Variants in DNAJC13 observed in about 807,000 individuals in gnomAD.
DNAJC13 encodes the protein DnaJ heat shock protein family (Hsp40) member C13.
A neutral mutation model predicts 290.5 loss-of-function variants in DNAJC13; 75 were observed. The observed-to-expected ratio is 0.26, with a 90% confidence interval of 0.21 to 0.31. The LOEUF (loss-of-function observed/expected upper bound fraction) is 0.31, where lower values mean the gene tolerates loss of function less well. DNAJC13 is among the 10% of genes least tolerant of loss of function. DNAJC13 has a pLI of 1.00. For missense variants in DNAJC13, 2,260 were observed against 2,674.5 expected, an observed-to-expected ratio of 0.85 and a Z score of 3.42; for synonymous variants, 862 against 892.0, an observed-to-expected ratio of 0.97 and a Z score of 0.60.
chr3:132,491,391 C>G (rs1325069398), intron 32 of DNAJC13, among the ~76,000 whole-genome samples: 5 of 152,052 alleles, frequency 3.3e-5, no homozygotes, highest in African/African-American at 1.2e-4. Context: ...TCAAGACATA[C>G]CTCTGGGTAT....
At chr3:132,421,652 C>G (rs1559861589) in intron 1 of DNAJC13, among the ~76,000 whole-genome samples, 1 of 151,602 alleles carries the variant, frequency 6.6e-6, no homozygotes, top group African/African-American at 2.4e-5. Context: ...GTTGCCCAGG[C>G]TGGTCTCGAA....
At chr3:132,482,436 C>A (rs753968736) in intron 27 of DNAJC13, 106 bp downstream of exon 27, 18 of 771,826 alleles carry the variant, frequency 2.3e-5, no homozygotes, top group Non-Finnish European at 3.0e-5. Context: ...ATTTAAATTC[C>A]TGTTATTAGC....
At chr3:132,470,929 C>T (rs1465448312) in intron 20 of DNAJC13, among the ~76,000 whole-genome samples, 3 of 126,760 alleles carry the variant, frequency 2.4e-5, no homozygotes, top group Non-Finnish European at 5.2e-5. Context: ...GGCGGCTGGC[C>T]GGGCAGAGGG....
intron 38 of DNAJC13, 61 bp downstream of exon 38, chr3:132,499,869 A>C (rs374018104): frequency 2.2e-5 from 32 of 1,448,730 alleles, no homozygotes; most frequent in Non-Finnish European, 3.1e-5. Context: ...AGACTTTAAC[A>C]TATCTGAGAA....
At chr3:132,531,204 A>ATTAT (rs1936405623) in intron 55 of DNAJC13, 107 bp downstream of exon 55, 2 of 893,808 alleles carry the variant, frequency 2.2e-6, no homozygotes, top group Non-Finnish European at 3.6e-6. Flanking sequence ...TTCTTAGGCT[A>ATTAT]CCAGCTGACC....
Position 132,454,102 on chromosome 3 carries a change from C to T in DNAJC13, c.877C>T (p.Leu293Phe). 1 of 1,607,014 alleles carries T rather than the reference C, an allele frequency of 6.2e-7. No homozygotes were observed. The highest frequency in any genetic ancestry group is 8.5e-7 in the Non-Finnish European group (1 of 1,178,038). ...GGTCTGTGACTCAGAAAATCCACAA[C>T]TTTTTACCATTGAATTTATAAAAGG... The part of the protein sequence containing the change: ...ALVCDSENPQ[L>F]FTIEFIKGQV... Residue 293 changes from leucine (L) to phenylalanine (F), a missense_variant, in exon 9 of 56, where the codon CTT (leucine) becomes TTT (phenylalanine). Physicochemically the swap from Leu to Phe is conservative, Grantham distance 22 (BLOSUM62 0). Transcript: ENST00000260818.
intron 1 of DNAJC13, among the ~76,000 whole-genome samples, chr3:132,432,539 T>C (rs1025656705): frequency 2.0e-5 from 3 of 152,142 alleles, no homozygotes; most frequent in African/African-American, 7.2e-5. Flanking sequence ...TTCTAACTAT[T>C]AAGGCAAGGG....
chr3:132,419,732 T>G (rs1938901989), intron 1 of DNAJC13, among the ~76,000 whole-genome samples: 1 of 152,200 alleles, frequency 6.6e-6, no homozygotes, highest in Non-Finnish European at 1.5e-5. Context: ...CAGCACAAAT[T>G]TGGTTGCTAC....
chr3:132,441,155 C>T (rs1231861205), intron 2 of DNAJC13, among the ~76,000 whole-genome samples: 1 of 152,090 alleles, frequency 6.6e-6, no homozygotes, highest in Non-Finnish European at 1.5e-5. Context: ...GGATATTCAG[C>T]CTAGGAAAAA....
chr3:132,458,479 G>A (rs552702503), intron 13 of DNAJC13: 12 of 152,102 alleles, frequency 7.9e-5, no homozygotes, highest in Admixed American at 3.3e-4. Context: ...ATGGTAGAGA[G>A]CTTTGTGTCA....
At chr3:132,442,016 T>C (rs1559870652) in intron 2 of DNAJC13, among the ~76,000 whole-genome samples, 1 of 151,854 alleles carries the variant, frequency 6.6e-6, no homozygotes, top group Non-Finnish European at 1.5e-5. Flanking sequence ...GTTTTTTTTT[T>C]TATTTTGCCT....
At chr3:132,485,149 T>A (rs924497295) in intron 29 of DNAJC13, among the ~76,000 whole-genome samples, 6 of 152,106 alleles carry the variant, frequency 3.9e-5, no homozygotes, top group African/African-American at 1.2e-4. Context: ...TATTTTTTTT[T>A]ATTTTTTTGA....
At chr3:132,503,116 C>G (rs932393711) in intron 40 of DNAJC13, 98 bp from the exon 41 acceptor site, 7 of 1,307,400 alleles carry the variant, frequency 5.4e-6, no homozygotes, top group South Asian at 1.5e-5. Flanking sequence ...ACTTTTTACT[C>G]CTTAAATATG....
chr3:132,478,829 T>C (rs1158642019), intron 24 of DNAJC13, among the ~76,000 whole-genome samples: 2 of 152,366 alleles, frequency 1.3e-5, no homozygotes, highest in South Asian at 2.1e-4. Context: ...CAATTCATCA[T>C]GCAGCTCATT....
At chr3:132,443,072 AAAG>A (rs1246305059) in intron 2 of DNAJC13, among the ~76,000 whole-genome samples, 9 of 152,238 alleles carry the variant, frequency 5.9e-5, no homozygotes, top group Admixed American at 3.3e-4. Context: ...AGTTAGCCTC[AAAG>A]AAGAAGACTT....
In DNAJC13 at chr3:132,488,376, T is replaced by A. The variant is rs1934954119; in HGVS notation, c.3346T>A (p.Leu1116Ile). 1.2e-6 allele frequency: 2 copies of A among 1,613,740 alleles called. No homozygotes were observed. The highest frequency in any genetic ancestry group is 1.1e-5 in the South Asian group (1 of 91,034). The change falls in exon 30 of 56, where the codon TTA becomes ATA. Residue 1116 changes from leucine to isoleucine, a missense_variant. By Grantham distance (5) the Leu-to-Ile change is conservative (BLOSUM62 2). Transcript: ENST00000260818. Reference protein sequence around the residue: ...LYHIMQDNPQLPRLYLSGVFF... With the variant: ...LYHIMQDNPQIPRLYLSGVFF... ...CCATATCATGCAAGATAACCCACAGTTACCCCGCCTTTATCTGAGTGGAGT... is the reference window on the plus strand; with the variant it reads ...CCATATCATGCAAGATAACCCACAGATACCCCGCCTTTATCTGAGTGGAGT...
chr3:132,491,124 C>A (rs1249714348), intron 32 of DNAJC13, 73 bp downstream of exon 32: 38 of 1,264,236 alleles, frequency 3.0e-5, no homozygotes, highest in Non-Finnish European at 3.9e-5. Context: ...GCTTTGACTT[C>A]TGTTAAAAGA....
rs1319421863 is a variant in DNAJC13 at position 132,500,840 on chromosome 3, A to G, written c.4463A>G (p.Glu1488Gly). The G allele has an allele frequency of 6.2e-7, 1 of 1,613,894 alleles. No individual in the cohort carries two copies. Among genetic ancestry groups the G allele is most frequent in the Non-Finnish European group, 8.5e-7 (1 of 1,179,960 alleles). The change falls in exon 39 of 56, where the codon GAG becomes GGG. Residue 1488 changes from glutamate (E) to glycine (G), a missense_variant. Physicochemically the swap from Glu to Gly is moderately conservative, Grantham distance 98. This residue lies in a region of DNAJC13 where 1,494 missense variants were observed against 1,693.7 expected (regional missense o/e 0.88). Coordinates refer to ENST00000260818, the MANE Select transcript of DNAJC13 (RefSeq NM_015268.4). The part of the protein sequence containing the change: ...SKCYSVAAQF[E>G]ECREKITEMP... ...TGCTACAGTGTGGCTGCTCAGTTTG[A>G]GGAATGCCGAGAGAAGATCACGGAA...
chr3:132,435,133 T>C (rs1414460936), intron 2 of DNAJC13, among the ~76,000 whole-genome samples: 1 of 150,742 alleles, frequency 6.6e-6, no homozygotes, highest in Non-Finnish European at 1.5e-5. Context: ...GACCAAAATG[T>C]AAGTGCTTCT....
Sources: allele counts gnomAD v4.1 joint callset (sites outside exome capture counted in the v4.1 genomes callset), GRCh38; gene constraint gnomAD v4.1.1; regional missense constraint gnomAD v4.1.1; transcripts MANE v1.5; gene names NCBI Gene and HGNC (gene_info 2026-07-23, HGNC 2026-07-21).